Variants in AKT3 observed in about 807,000 individuals in gnomAD.
The protein encoded by AKT3 is RAC-gamma serine/threonine-protein kinase.
AKT3 carries 15 observed loss-of-function variants against 65.3 expected under a neutral mutation model. That is an observed-to-expected ratio of 0.23 (90% CI 0.15 to 0.35). The LOEUF is 0.35. AKT3 is among the 10% of genes least tolerant of loss of function. The pLI, the probability that AKT3 is intolerant of heterozygous loss-of-function variation, is 1.00. For missense variants in AKT3, 243 were observed against 576.5 expected (o/e 0.42, Z 5.92); for synonymous variants, 206 against 183.8 (o/e 1.12, Z -0.98).
chr1:243,800,458 G>T (rs555374552), intron 2 of AKT3, among the ~76,000 whole-genome samples: 1 of 152,198 alleles, frequency 6.6e-6, no homozygotes, highest in Non-Finnish European at 1.5e-5. Context: ...AGTGGCTCAC[G>T]CCTGTAATGC....
chr1:243,608,677 T>C (rs945818826), intron 8 of AKT3, among the ~76,000 whole-genome samples: 6 of 151,838 alleles, frequency 4.0e-5, no homozygotes, highest in Non-Finnish European at 8.8e-5. Flanking sequence ...TTTCCCTTAC[T>C]TTAAACCTAT....
At chr1:243,841,340 A>T (rs1447274200) in intron 2 of AKT3, among the ~76,000 whole-genome samples, 2 of 152,194 alleles carry the variant, frequency 1.3e-5, no homozygotes, top group Non-Finnish European at 2.9e-5. Context: ...ATCCACAACC[A>T]TCATCTCATT....
chr1:243,509,089 A>G (rs182806621), intron 13 of AKT3, among the ~76,000 whole-genome samples: 46 of 152,324 alleles, frequency 3.0e-4, no homozygotes, highest in Admixed American at 2.3e-3. Flanking sequence ...TGAACCTATT[A>G]TCATTTAAAG....
In AKT3 at chr1:243,579,684, G is replaced by A. The variant is rs1213323186; in HGVS notation, c.697-6636C>T. ...TATTAAATAGTGCCTTCAAGAAAAAGGTTTGTCTAAAGAAATTGACTTATA... is the reference window on the plus strand; with the variant it reads ...TATTAAATAGTGCCTTCAAGAAAAAAGTTTGTCTAAAGAAATTGACTTATA... On this transcript the variant is annotated intron_variant, in intron 8 of 13. Coordinates refer to ENST00000673466, the MANE Select transcript of AKT3 (RefSeq NM_005465.7). 3.3e-5 allele frequency among the ~76,000 whole-genome samples: 5 copies of A among 152,068 alleles called. No individual in the cohort carries two copies. The South Asian group carries it at 8.3e-4, about 25-fold the overall frequency.
chr1:243,734,982 T>C (rs1687764020), intron 2 of AKT3: 1 of 152,190 alleles, frequency 6.6e-6, no homozygotes, highest in African/African-American at 2.4e-5. Context: ...ATCAATATCA[T>C]TGTCCTCCTC....
At position 243,502,224 on chromosome 1, in the gene AKT3, G is replaced by C; in HGVS notation, c.*3025C>G. 4.3e-6 allele frequency: 1 copy of C among 232,616 alleles called. No individual in the cohort carries two copies. The highest frequency in any genetic ancestry group is 8.5e-6 in the Non-Finnish European group (1 of 117,668). The allele number at this position is 232,616 out of a possible 1,614,324, so 14.4% of individuals were successfully genotyped here. ...AGTAGCAGCAAAGTGTGTATGTTGAGGTGTAATAGAGAGACCCTGCAGTTA... is the reference window on the plus strand; with the variant it reads ...AGTAGCAGCAAAGTGTGTATGTTGACGTGTAATAGAGAGACCCTGCAGTTA... On this transcript the variant is annotated 3_prime_UTR_variant, in exon 14 of 14. Coordinates refer to ENST00000673466, the MANE Select transcript of AKT3 (RefSeq NM_005465.7).
At chr1:243,843,088 T>TA (rs771119292) in intron 2 of AKT3, 37 bp downstream of exon 2, 2 of 1,611,254 alleles carry the variant, frequency 1.2e-6, no homozygotes, top group East Asian at 2.2e-5. Flanking sequence ...CTAGCACTCT[T>TA]ACCAACCGTA....
chr1:243,844,646 T>TA (rs998759721), intron 1 of AKT3, among the ~76,000 whole-genome samples: 11 of 152,134 alleles, frequency 7.2e-5, no homozygotes, highest in Admixed American at 2.6e-4. Flanking sequence ...AGCTAATTTT[T>TA]AAAAAAAATT....
At chr1:243,724,523 GTTTA>G (rs1039217661) in intron 2 of AKT3, among the ~76,000 whole-genome samples, 7 of 152,020 alleles carry the variant, frequency 4.6e-5, no homozygotes, top group African/African-American at 7.2e-5. Context: ...GTATCTTAAT[GTTTA>G]TTTATTTCCA....
chr1:243,501,153 G>A lies in AKT3; in HGVS notation c.*4096C>T, dbSNP rs531160211. 23 of 230,998 alleles carry A rather than the reference G, an allele frequency of 1.0e-4. No individual in the cohort carries two copies. The highest frequency in any genetic ancestry group is 3.3e-4 in the African/African-American group (15 of 45,288). The allele number at this position is 230,998 out of a possible 1,614,324, so 14.3% of individuals were successfully genotyped here. ...AAAAGCCATTCCTCTGTCTGGCTTC[G>A]TCACAGGAGCAAAGCCAAGTTTCTA... On this transcript the variant is annotated 3_prime_UTR_variant, in exon 14 of 14. Transcript: ENST00000673466.
chr1:243,495,321 G>T (rs1347900480), downstream of AKT3, among the ~76,000 whole-genome samples: 1 of 152,228 alleles, frequency 6.6e-6, no homozygotes, highest in Non-Finnish European at 1.5e-5. Context: ...CTGCAAGGCG[G>T]CCTTCTCTGT....
intron 12 of AKT3, among the ~76,000 whole-genome samples, chr1:243,538,974 G>A (rs1387117098): frequency 4.6e-5 from 7 of 152,044 alleles, no homozygotes; most frequent in South Asian, 2.1e-4. Context: ...CATAGTTGAC[G>A]ACATCAACTA....
chr1:243,818,643 G>C (rs1693674302), intron 2 of AKT3, among the ~76,000 whole-genome samples: 1 of 152,032 alleles, frequency 6.6e-6, no homozygotes, highest in Non-Finnish European at 1.5e-5. Flanking sequence ...AAACAATTAA[G>C]ACTTAAATTT....
chr1:243,604,934 C>T (rs1020901869), intron 8 of AKT3, among the ~76,000 whole-genome samples: 4 of 152,246 alleles, frequency 2.6e-5, no homozygotes, highest in East Asian at 3.9e-4. Flanking sequence ...TTCCTTAGAA[C>T]GGTATTACAC....
intron 6 of AKT3, among the ~76,000 whole-genome samples, chr1:243,634,737 T>C (rs1473320604): frequency 6.6e-6 from 1 of 151,894 alleles, no homozygotes; most frequent in Non-Finnish European, 1.5e-5. Context: ...TAAAAGTTAA[T>C]ACAGCAAGAT....
chr1:243,758,777 G>A (rs1689302811), intron 2 of AKT3, among the ~76,000 whole-genome samples: 1 of 152,198 alleles, frequency 6.6e-6, no homozygotes, highest in African/African-American at 2.4e-5. Flanking sequence ...CCTCGCATCT[G>A]ATCTGACAGG....
In AKT3 at chr1:243,645,931, C is replaced by T; in HGVS notation, c.391G>A (p.Glu131Lys). The change falls in exon 5 of 14, where the codon GAA (glutamate) becomes AAA (lysine). Residue 131 changes from glutamate to lysine, a missense_variant. Glu to Lys is a moderately conservative substitution (Grantham distance 56). Coordinates refer to ENST00000673466, the MANE Select transcript of AKT3 (RefSeq NM_005465.7). ...TGGGTTGTAGAGGCATCCATCTCTT[C>T]CTCTCCTATATTATCAATTTGTGAA... ...PTSQIDNIGEEEMDASTTHHK... is the reference protein window; with the variant it reads ...PTSQIDNIGEKEMDASTTHHK... 6.2e-7 allele frequency: 1 copy of T among 1,612,376 alleles called. No individual in the cohort carries two copies. Among genetic ancestry groups the T allele is most frequent in the Non-Finnish European group, 8.5e-7 (1 of 1,178,854 alleles).
intron 3 of AKT3, among the ~76,000 whole-genome samples, chr1:243,668,752 G>A (rs1485938870): frequency 6.6e-6 from 1 of 152,188 alleles, no homozygotes; most frequent in Admixed American, 6.5e-5. Context: ...AACCAAGTAA[G>A]TTTGTCAAAG....
intron 1 of AKT3, among the ~76,000 whole-genome samples, chr1:243,849,758 C>T (rs1336797364): frequency 6.6e-6 from 1 of 151,698 alleles, no homozygotes; most frequent in Admixed American, 6.6e-5. Flanking sequence ...CCTCCCCCGG[C>T]CCGCTGCGCA....
Sources: allele counts gnomAD v4.1 joint callset (sites outside exome capture counted in the v4.1 genomes callset), GRCh38; gene constraint gnomAD v4.1.1; transcripts MANE v1.5; gene names NCBI Gene and HGNC (gene_info 2026-07-23, HGNC 2026-07-21).